Variants in CNOT9 observed in about 807,000 individuals in gnomAD.
The protein encoded by CNOT9 is CCR4-NOT transcription complex subunit 9.
Under a neutral mutation model 37.4 loss-of-function variants are expected in CNOT9, and 8 were observed. That is an observed-to-expected ratio of 0.21 (90% CI 0.13 to 0.39). The LOEUF is 0.39. Ranked by LOEUF, CNOT9 falls within the 10% of genes least tolerant of loss-of-function variation. The pLI is 1.00. For synonymous variants in CNOT9, 120 were observed against 137.6 expected (o/e 0.87, Z 0.90); for missense variants, 154 against 365.3 (o/e 0.42, Z 4.71).
chr2:218,580,481 T>G lies in CNOT9; in HGVS notation c.25-80T>G, dbSNP rs563572348. The G allele has an allele frequency of 1.0e-5, 12 of 1,202,724 alleles. No individual in the cohort carries two copies. In the South Asian group the frequency reaches 1.7e-4, roughly 17 times the overall value. 74.5% of individuals were successfully genotyped at this position (1,202,724 alleles called of 1,614,324 possible). On this transcript the variant is annotated intron_variant, in intron 1 of 7. Transcript: ENST00000273064. ...CCCCTGGTATTCATGAAAAATATAT[T>G]TCCTCTAAAACTCTGTTGCAGGGTA...
intron 1 of CNOT9, among the ~76,000 whole-genome samples, chr2:218,576,157 A>G (rs1182860673): frequency 6.6e-6 from 1 of 152,204 alleles, no homozygotes; most frequent in Admixed American, 6.5e-5. Flanking sequence ...AAAGATGTCA[A>G]TTACAGATTC....
chr2:218,584,807 TG>T lies in CNOT9; in HGVS notation c.430+87del, dbSNP rs1694534474. Reference sequence around the variant, plus strand: ...GTTTTGTCTTGCCGGTTATGATTTTTGTACACCAGTCATTCATTTTTGTCTT... The same window carrying T: ...GTTTTGTCTTGCCGGTTATGATTTTTTACACCAGTCATTCATTTTTGTCTT... On this transcript the variant is annotated intron_variant, in intron 4 of 7. Coordinates refer to ENST00000273064, the MANE Select transcript of CNOT9 (RefSeq NM_005444.3). 16 of 908,198 alleles carry T rather than the reference TG, an allele frequency of 1.8e-5. 1 individual carries two copies. Among genetic ancestry groups the T allele is most frequent in the Non-Finnish European group, 2.8e-5 (15 of 543,662 alleles). 56.3% of individuals were successfully genotyped at this position (908,198 alleles called of 1,614,324 possible).
chr2:218,588,444 A>G (rs1370431643), intron 5 of CNOT9, among the ~76,000 whole-genome samples: 1 of 151,472 alleles, frequency 6.6e-6, no homozygotes, highest in Non-Finnish European at 1.5e-5. Context: ...ATGTGCCACC[A>G]TACCCAGCTA....
At chr2:218,581,742 T>A (rs1336530961) in intron 2 of CNOT9, among the ~76,000 whole-genome samples, 2 of 152,184 alleles carry the variant, frequency 1.3e-5, no homozygotes, top group African/African-American at 4.8e-5. Flanking sequence ...AACTGATCTT[T>A]GTTATGGGAA....
intron 1 of CNOT9, among the ~76,000 whole-genome samples, chr2:218,569,783 C>T (rs2106074467): frequency 1.3e-5 from 2 of 152,308 alleles, no homozygotes; most frequent in Middle Eastern, 3.4e-3. Context: ...TATCCCTCCT[C>T]CTTTACATAC....
intron 1 of CNOT9, chr2:218,573,827 G>GA (rs1371030530): frequency 3.9e-6 from 1 of 255,930 alleles, no homozygotes; most frequent in African/African-American, 2.3e-5. Context: ...CTTTCTTGGG[G>GA]AAAAAAGGTG....
Position 218,594,297 on chromosome 2 carries a change from C to G in CNOT9, c.*21C>G. On this transcript the variant is annotated 3_prime_UTR_variant, in exon 8 of 8. Transcript: ENST00000273064. ...AGTGATCCTTCCCTGTTCCCTCCCACTACTCCCCCAAGTTGGGGAAAGGAG... is the reference window on the plus strand; with the variant it reads ...AGTGATCCTTCCCTGTTCCCTCCCAGTACTCCCCCAAGTTGGGGAAAGGAG... The G allele has an allele frequency of 1.3e-6, 2 of 1,588,640 alleles. No homozygotes were observed. Among genetic ancestry groups the G allele is most frequent in the African/African-American group, 1.3e-5 (1 of 74,362 alleles).
rs1271842493 is a variant in CNOT9 at position 218,596,522 on chromosome 2, C to G, written c.*2246C>G. On this transcript the variant is annotated 3_prime_UTR_variant, in exon 8 of 8. Transcript: ENST00000273064. ...GATCCTTGTCATGCCTGCTTCTCCC[C>G]TCTGTCTACCTACACAACACACACA... The G allele has an allele frequency of 1.3e-5, 2 of 149,904 alleles. No individual in the cohort carries two copies. Among genetic ancestry groups the G allele is most frequent in the African/African-American group, 5.1e-5 (2 of 39,140 alleles). The allele number at this position is 149,904 out of a possible 1,614,324, so 9.3% of individuals were successfully genotyped here.
At chr2:218,578,105 G>A (rs1407980592) in intron 1 of CNOT9, among the ~76,000 whole-genome samples, 9 of 152,196 alleles carry the variant, frequency 5.9e-5, no homozygotes, top group Admixed American at 5.9e-4. Context: ...TTTTGCTGTT[G>A]GGAAAGGAGG....
chr2:218,576,660 T>A (rs1694180317), intron 1 of CNOT9, among the ~76,000 whole-genome samples: 1 of 152,196 alleles, frequency 6.6e-6, no homozygotes, highest in African/African-American at 2.4e-5. Context: ...GGTCAAAGAA[T>A]ATAATTTATT....
intron 3 of CNOT9, among the ~76,000 whole-genome samples, chr2:218,583,899 A>C (rs1694499377): frequency 6.6e-6 from 1 of 152,224 alleles, no homozygotes; most frequent in East Asian, 1.9e-4. Context: ...TGCCTGACTA[A>C]ACTGTTTTCA....
In CNOT9 at chr2:218,568,843, C is replaced by G. The variant is rs1386051036; in HGVS notation, c.-112C>G. The G allele has an allele frequency of 5.5e-6, 7 of 1,273,612 alleles. No homozygotes were observed. Among genetic ancestry groups the G allele is most frequent in the African/African-American group, 1.5e-5 (1 of 67,358 alleles). The allele number at this position is 1,273,612 out of a possible 1,614,324, so 78.9% of individuals were successfully genotyped here. A position where few individuals can be genotyped will look rare whatever the true frequency, so the allele number is the denominator to read the frequency against. On this transcript the variant is annotated 5_prime_UTR_variant, in exon 1 of 8. Coordinates refer to ENST00000273064, the MANE Select transcript of CNOT9 (RefSeq NM_005444.3). ...GGGCCGCGAAGTGGGCGGAGCGAGC[C>G]GGAGTCGGATGGCGGCTACGGCGGC... is the stretch of plus-strand genomic sequence containing the variant.
intron 1 of CNOT9, among the ~76,000 whole-genome samples, chr2:218,573,524 G>T (rs980577047): frequency 6.6e-6 from 1 of 152,084 alleles, no homozygotes. Context: ...AAAATAAACA[G>T]CTATTTTGGC....
At chr2:218,571,301 C>T (rs1242739697) in intron 1 of CNOT9, among the ~76,000 whole-genome samples, 1 of 152,140 alleles carries the variant, frequency 6.6e-6, no homozygotes, top group Non-Finnish European at 1.5e-5. Context: ...CCCATAGTCC[C>T]AGCTACTTGG....
chr2:218,575,970 C>A (rs1311190945), intron 1 of CNOT9, among the ~76,000 whole-genome samples: 1 of 152,120 alleles, frequency 6.6e-6, no homozygotes, highest in Non-Finnish European at 1.5e-5. Context: ...TACAGAGTGG[C>A]ATGAGGAGTA....
intron 4 of CNOT9, 120 bp from the exon 5 acceptor site, chr2:218,587,466 A>G (rs1694633696): frequency 3.0e-6 from 4 of 1,319,386 alleles, no homozygotes; most frequent in Non-Finnish European, 3.9e-6. Flanking sequence ...GATTCCTTTA[A>G]CAAACCCCAG....
intron 1 of CNOT9, among the ~76,000 whole-genome samples, chr2:218,572,127 C>A (rs1325227314): frequency 6.6e-6 from 1 of 151,394 alleles, no homozygotes; most frequent in African/African-American, 2.4e-5. Flanking sequence ...TCCAGACCAG[C>A]CTGGCCAACG....
At chr2:218,581,489 G>T (rs1366623036) in intron 2 of CNOT9, among the ~76,000 whole-genome samples, 2 of 152,066 alleles carry the variant, frequency 1.3e-5, no homozygotes, top group African/African-American at 4.8e-5. Flanking sequence ...AATGTTGAAG[G>T]TATAACAGCT....
At chr2:218,591,809 T>C (rs1211041093) in intron 5 of CNOT9, among the ~76,000 whole-genome samples, 1 of 151,982 alleles carries the variant, frequency 6.6e-6, no homozygotes, top group Non-Finnish European at 1.5e-5. Context: ...GAGGCATAGC[T>C]GAATAAATCA....
Sources: allele counts gnomAD v4.1 joint callset (sites outside exome capture counted in the v4.1 genomes callset), GRCh38; gene constraint gnomAD v4.1.1; transcripts MANE v1.5; gene names NCBI Gene and HGNC (gene_info 2026-07-23, HGNC 2026-07-21).